Variants in IGF1R observed in about 807,000 individuals in gnomAD.
IGF1R encodes insulin-like growth factor 1 receptor.
In IGF1R, 44 loss-of-function variants were observed where a neutral mutation model predicts 144.6. The observed-to-expected ratio is 0.30, with a 90% CI of 0.24 to 0.39. The LOEUF (loss-of-function observed/expected upper bound fraction) is 0.39. IGF1R is among the 10% of genes least tolerant of loss of function. The probability of loss-of-function intolerance (pLI) is 1.00; values close to 1 mark genes in which losing one functional copy is unlikely to be tolerated. For synonymous variants in IGF1R, 795 were observed against 722.8 expected, an observed-to-expected ratio of 1.10 and a Z score of -1.60; for missense variants, 1,355 against 1,833.7, an observed-to-expected ratio of 0.74 and a Z score of 4.77.
At chr15:98,785,640 T>A (rs2055975080) in intron 2 of IGF1R, among the ~76,000 whole-genome samples, 1 of 152,200 alleles carries the variant, frequency 6.6e-6, no homozygotes. Flanking sequence ...ATAAATGGAA[T>A]GCCTTTGGAA....
intron 1 of IGF1R, among the ~76,000 whole-genome samples, chr15:98,657,552 A>G (rs970369414): frequency 1.3e-5 from 2 of 152,246 alleles, no homozygotes; most frequent in Non-Finnish European, 2.9e-5. Context: ...CACGAAAACA[A>G]ATGAACACAG....
At chr15:98,767,549 A>T (rs998809997) in intron 2 of IGF1R, among the ~76,000 whole-genome samples, 3 of 152,260 alleles carry the variant, frequency 2.0e-5, no homozygotes, top group Admixed American at 2.0e-4. Flanking sequence ...AAAGAGCTTT[A>T]TCAATGTTTT....
At position 98,649,143 on chromosome 15, in the gene IGF1R, C is replaced by T; in HGVS notation, c.-439C>T. The T allele has an allele frequency of 4.6e-6, 1 of 219,084 alleles. No homozygotes were observed. Among genetic ancestry groups the T allele is most frequent in the Admixed American group, 5.8e-5 (1 of 17,244 alleles). 13.6% of individuals were successfully genotyped at this position (219,084 alleles called of 1,614,324 possible). ...GGGCGATCTTGCGAACTGCGTCGCG[C>T]CCTCCCGCGGCGGAAGCTCGGGCGT... On this transcript the variant is annotated 5_prime_UTR_variant, in exon 1 of 21. Transcript: ENST00000650285.
chr15:98,677,016 G>A (rs2053064310), intron 1 of IGF1R, among the ~76,000 whole-genome samples: 1 of 152,000 alleles, frequency 6.6e-6, no homozygotes, highest in Admixed American at 6.6e-5. Context: ...ACTCACTGCA[G>A]CCTTCAGCTC....
intron 2 of IGF1R, among the ~76,000 whole-genome samples, chr15:98,867,018 C>G (rs1430930371): frequency 6.6e-6 from 1 of 152,148 alleles, no homozygotes; most frequent in African/African-American, 2.4e-5. Context: ...TGTTCTTCAG[C>G]CCGCCTCTCC....
chr15:98,909,011 G>A, intron 6 of IGF1R, 112 bp downstream of exon 6: 2 of 918,266 alleles, frequency 2.2e-6, no homozygotes, highest in Non-Finnish European at 3.5e-6. Context: ...TTCACATGGG[G>A]GACCACTAGA....
intron 1 of IGF1R, among the ~76,000 whole-genome samples, chr15:98,655,562 GA>G (rs1287160353): frequency 6.6e-6 from 1 of 151,534 alleles, no homozygotes; most frequent in Non-Finnish European, 1.5e-5. Context: ...TTTAGGTTTA[GA>G]AATTATTTGA....
chr15:98,763,771 C>T (rs982913608), intron 2 of IGF1R, among the ~76,000 whole-genome samples: 21 of 152,118 alleles, frequency 1.4e-4, no homozygotes, highest in African/African-American at 4.8e-4. Context: ...GACTCCTGAC[C>T]GAATAAAGCC....
intron 13 of IGF1R, among the ~76,000 whole-genome samples, chr15:98,929,286 C>T (rs1004200703): frequency 2.0e-5 from 3 of 152,124 alleles, no homozygotes; most frequent in Non-Finnish European, 4.4e-5. Flanking sequence ...TATTTTTCTT[C>T]AGTCTATCAT....
chr15:98,749,456 C>T (rs899451790), intron 2 of IGF1R, among the ~76,000 whole-genome samples: 6 of 152,102 alleles, frequency 3.9e-5, no homozygotes, highest in African/African-American at 1.4e-4. Flanking sequence ...TACCTGGTAA[C>T]GCAATTGAGA....
chr15:98,942,528 A>G (rs1410932650), intron 18 of IGF1R, among the ~76,000 whole-genome samples: 1 of 152,226 alleles, frequency 6.6e-6, no homozygotes, highest in South Asian at 2.1e-4. Context: ...TTATACAGAC[A>G]GGGTCTTGCT....
intron 10 of IGF1R, among the ~76,000 whole-genome samples, chr15:98,920,081 A>G (rs1254737685): frequency 6.6e-6 from 1 of 152,228 alleles, no homozygotes; most frequent in Non-Finnish European, 1.5e-5. Context: ...TGTAAATCAC[A>G]TAGTTTGGTT....
chr15:98,839,562 T>C (rs1215719176), intron 2 of IGF1R, among the ~76,000 whole-genome samples: 1 of 152,228 alleles, frequency 6.6e-6, no homozygotes, highest in African/African-American at 2.4e-5. Flanking sequence ...AGAATAAATA[T>C]TCAGCGAGAC....
intron 1 of IGF1R, among the ~76,000 whole-genome samples, chr15:98,670,585 C>G (rs1012688467): frequency 6.6e-6 from 1 of 152,144 alleles, no homozygotes; most frequent in Non-Finnish European, 1.5e-5. Flanking sequence ...TGAAATAACC[C>G]TGAGCCTTTT....
intron 2 of IGF1R, among the ~76,000 whole-genome samples, chr15:98,886,630 G>A (rs1026437527): frequency 2.6e-5 from 4 of 152,020 alleles, no homozygotes; most frequent in East Asian, 1.9e-4. Context: ...CCCCCATAGC[G>A]CCGTAATTGG....
intron 19 of IGF1R, among the ~76,000 whole-genome samples, chr15:98,944,494 G>A (rs1596477483): frequency 6.6e-6 from 1 of 152,344 alleles, no homozygotes; most frequent in Admixed American, 6.5e-5. Flanking sequence ...GGATAGCACA[G>A]GTCAGGAAGG....
chr15:98,899,978 T>C (rs1444102663), intron 5 of IGF1R, among the ~76,000 whole-genome samples: 2 of 152,192 alleles, frequency 1.3e-5, no homozygotes, highest in Non-Finnish European at 2.9e-5. Flanking sequence ...GAAATCATTG[T>C]TCGCGCGACC....
chr15:98,799,674 T>G (rs2056320390), intron 2 of IGF1R, among the ~76,000 whole-genome samples: 1 of 152,188 alleles, frequency 6.6e-6, no homozygotes, highest in South Asian at 2.1e-4. Flanking sequence ...GAGTGTTTAC[T>G]TAGCGGAGGG....
intron 2 of IGF1R, among the ~76,000 whole-genome samples, chr15:98,820,248 A>G (rs909904646): frequency 6.6e-6 from 1 of 152,092 alleles, no homozygotes. Context: ...CTGGTCTTAT[A>G]AGAGTCACAT....
Sources: gnomAD v4.1 joint callset for allele counts (sites outside exome capture counted in the v4.1 genomes callset) on GRCh38, gnomAD v4.1.1 for gene constraint, MANE v1.5 for transcripts, NCBI Gene and HGNC (gene_info 2026-07-23, HGNC 2026-07-21) for gene names.